KCNQ5: variants seen among roughly 807,000 people sequenced by gnomAD.
KCNQ5 encodes the protein potassium voltage-gated channel subfamily KQT member 5.
Under a neutral mutation model 98.2 loss-of-function variants are expected in KCNQ5, and 30 were observed. The ratio of observed to expected loss-of-function variants is 0.31; its 90% CI spans 0.23 to 0.41. KCNQ5 has a LOEUF of 0.41. KCNQ5 is among the 10% of genes least tolerant of loss of function. The pLI, the probability that KCNQ5 is intolerant of heterozygous loss-of-function variation, is 1.00. For missense variants in KCNQ5, 835 were observed against 1,182.5 expected, an observed-to-expected ratio of 0.71 and a Z score of 4.31; for synonymous variants, 458 against 449.4, an observed-to-expected ratio of 1.02 and a Z score of -0.24.
At chr6:73,125,654 A>C (rs1775950103) in intron 9 of KCNQ5, 1 of 204,336 alleles carries the variant, frequency 4.9e-6, no homozygotes, top group African/African-American at 2.4e-5. Flanking sequence ...TGGTGTATTA[A>C]GGCTCTGGAT....
intron 1 of KCNQ5, among the ~76,000 whole-genome samples, chr6:72,996,607 G>A (rs972703332): frequency 1.2e-4 from 19 of 152,170 alleles, no homozygotes; most frequent in African/African-American, 4.3e-4. Flanking sequence ...CAAATTAAGT[G>A]ATTGCATATA....
At chr6:73,145,746 T>A (rs1776894820) in intron 10 of KCNQ5, among the ~76,000 whole-genome samples, 1 of 152,284 alleles carries the variant, frequency 6.6e-6, no homozygotes, top group Middle Eastern at 3.4e-3. Context: ...CTGTATTAGT[T>A]TTTTCGCACA....
intron 1 of KCNQ5, among the ~76,000 whole-genome samples, chr6:72,744,759 C>T (rs1476726366): frequency 6.6e-6 from 1 of 151,328 alleles, no homozygotes; most frequent in Non-Finnish European, 1.5e-5. Flanking sequence ...TGCAGTGAGC[C>T]AAGATCGTTC....
chr6:72,721,563 AAAG>A (rs1434140023), intron 1 of KCNQ5, among the ~76,000 whole-genome samples: 3 of 152,154 alleles, frequency 2.0e-5, no homozygotes, highest in South Asian at 2.1e-4. Context: ...GGGATTGTTT[AAAG>A]AAGAAGATTC....
intron 1 of KCNQ5, among the ~76,000 whole-genome samples, chr6:72,678,066 T>C (rs1767508719): frequency 6.6e-6 from 1 of 152,184 alleles, no homozygotes; most frequent in South Asian, 2.1e-4. Flanking sequence ...GATGAATGGT[T>C]TCTTGGAATT....
chr6:72,949,854 A>T (rs931611075), intron 1 of KCNQ5, among the ~76,000 whole-genome samples: 10 of 152,082 alleles, frequency 6.6e-5, no homozygotes, highest in Non-Finnish European at 1.0e-4. Flanking sequence ...AATAAACTAA[A>T]TTTTTTTTAA....
At chr6:73,002,070 CAATGAGCTATG>C (rs1328098113) in intron 1 of KCNQ5, among the ~76,000 whole-genome samples, 5 of 152,150 alleles carry the variant, frequency 3.3e-5, no homozygotes, top group Admixed American at 2.6e-4. Context: ...GTTAAAGTTA[CAATGAGCTATG>C]AATGCACCAC....
At chr6:72,905,855 T>C (rs1779677203) in intron 1 of KCNQ5, among the ~76,000 whole-genome samples, 1 of 152,214 alleles carries the variant, frequency 6.6e-6, no homozygotes, top group South Asian at 2.1e-4. Context: ...TTTAATGCTC[T>C]ATCTTTATGC....
chr6:72,648,612 G>A (rs17749408), intron 1 of KCNQ5, among the ~76,000 whole-genome samples: 20,022 of 151,752 alleles, frequency 0.13, 1,469 homozygotes, highest in Non-Finnish European at 0.18. Context: ...TTTAGACTTG[G>A]TAGATACTAG....
chr6:73,022,978 G>A (rs1201070006), intron 2 of KCNQ5, among the ~76,000 whole-genome samples: 1 of 152,190 alleles, frequency 6.6e-6, no homozygotes, highest in Non-Finnish European at 1.5e-5. Context: ...AGGTCCTTAA[G>A]TAGCACAATG....
intron 1 of KCNQ5, among the ~76,000 whole-genome samples, chr6:72,834,692 T>C (rs1776427167): frequency 6.6e-6 from 1 of 152,174 alleles, no homozygotes; most frequent in South Asian, 2.1e-4. Flanking sequence ...TTCTTTTACG[T>C]GGAAATAGAA....
intron 1 of KCNQ5, among the ~76,000 whole-genome samples, chr6:72,781,036 A>G (rs1282192306): frequency 6.6e-6 from 1 of 152,214 alleles, no homozygotes; most frequent in African/African-American, 2.4e-5. Flanking sequence ...GTCCCTACCC[A>G]AATTCATGTC....
At chr6:72,632,206 C>A (rs962882355) in intron 1 of KCNQ5, among the ~76,000 whole-genome samples, 2 of 150,818 alleles carry the variant, frequency 1.3e-5, no homozygotes, top group African/African-American at 4.9e-5. Flanking sequence ...GGCGCGATCC[C>A]CGCTCACTGC....
At chr6:72,758,081 G>T (rs1772061421) in intron 1 of KCNQ5, among the ~76,000 whole-genome samples, 1 of 151,838 alleles carries the variant, frequency 6.6e-6, no homozygotes, top group Admixed American at 6.6e-5. Flanking sequence ...ATGCCCAGAG[G>T]TCCCCCAGGC....
In KCNQ5 at chr6:73,004,089, C is replaced by A. The variant is rs79881078; in HGVS notation, c.489+91C>A. 3.6e-3 allele frequency: 2,611 copies of A among 718,560 alleles called. 23 individuals are homozygous for A. Among genetic ancestry groups the A allele is most frequent in the East Asian group, 0.023 (909 of 39,332 alleles). 44.5% of individuals were successfully genotyped at this position (718,560 alleles called of 1,614,324 possible). On this transcript the variant is annotated intron_variant, in intron 2 of 13. Coordinates refer to ENST00000370398, the MANE Select transcript of KCNQ5 (RefSeq NM_019842.4). ...ATGCATCTTATCCTACAAAAAAATCCTATCTAAAAAAGAGTTACTGAGAAA... is the reference window on the plus strand; with the variant it reads ...ATGCATCTTATCCTACAAAAAAATCATATCTAAAAAAGAGTTACTGAGAAA...
At chr6:73,024,634 T>G (rs1460650104) in intron 2 of KCNQ5, among the ~76,000 whole-genome samples, 3 of 152,236 alleles carry the variant, frequency 2.0e-5, no homozygotes, top group African/African-American at 7.2e-5. Flanking sequence ...GAATTCAGTT[T>G]TATGTTTCTT....
chr6:72,931,985 C>G (rs1290736635), intron 1 of KCNQ5, among the ~76,000 whole-genome samples: 2 of 152,098 alleles, frequency 1.3e-5, no homozygotes, highest in East Asian at 3.9e-4. Flanking sequence ...ACTGGAAGAG[C>G]CTTCTCTCAG....
intron 1 of KCNQ5, among the ~76,000 whole-genome samples, chr6:72,893,352 G>A (rs987119169): frequency 7.2e-5 from 11 of 152,194 alleles, no homozygotes; most frequent in Admixed American, 3.9e-4. Flanking sequence ...AAAGAGGAGC[G>A]CAGAATGTTT....
intron 1 of KCNQ5, among the ~76,000 whole-genome samples, chr6:72,653,735 A>C (rs937052837): frequency 1.3e-5 from 2 of 152,012 alleles, no homozygotes; most frequent in African/African-American, 4.8e-5. Context: ...ACATTTTAAT[A>C]TTTTTCAAGA....
Sources: gnomAD v4.1 joint callset for allele counts (sites outside exome capture counted in the v4.1 genomes callset) on GRCh38, gnomAD v4.1.1 for gene constraint, MANE v1.5 for transcripts, NCBI Gene and HGNC (gene_info 2026-07-23, HGNC 2026-07-21) for gene names.